Variants in STK32B observed in about 807,000 individuals in gnomAD.
The protein encoded by STK32B is serine/threonine-protein kinase 32B.
Under a neutral mutation model 52.6 loss-of-function variants are expected in STK32B, and 43 were observed. The ratio of observed to expected loss-of-function variants is 0.82; its 90% CI spans 0.64 to 1.05. The LOEUF (loss-of-function observed/expected upper bound fraction) is 1.05. Among genes scored for constraint, STK32B ranks in the 50% least tolerant of loss-of-function variants. STK32B has a pLI of 0.00. For synonymous variants in STK32B, 238 were observed against 204.3 expected, an observed-to-expected ratio of 1.17 and a Z score of -1.41; for missense variants, 621 against 534.6, an observed-to-expected ratio of 1.16 and a Z score of -1.59.
intron 3 of STK32B, among the ~76,000 whole-genome samples, chr4:5,195,518 T>A (rs758129327): frequency 7.9e-5 from 12 of 152,090 alleles, no homozygotes; most frequent in Non-Finnish European, 1.5e-4. Flanking sequence ...CATGGTGGAA[T>A]CCTTTCTGTA....
In STK32B at chr4:5,282,409, T is replaced by G. The variant is rs74423930; in HGVS notation, c.261-48811T>G. 9.7e-3 allele frequency among the ~76,000 whole-genome samples: 1,478 copies of G among 152,280 alleles called. 52 individuals carry two copies. In the East Asian group the frequency reaches 0.11, roughly 12 times the overall value. ...GAGGGCCTACTGTATATACCTATCA[T>G]GAAGTTTAATTTCTAAATTAGGCAC... On this transcript the variant is annotated intron_variant, in intron 3 of 11. Coordinates refer to ENST00000282908, the MANE Select transcript of STK32B (RefSeq NM_018401.3).
At chr4:5,253,732 A>G (rs1012348543) in intron 3 of STK32B, among the ~76,000 whole-genome samples, 4 of 152,120 alleles carry the variant, frequency 2.6e-5, no homozygotes, top group African/African-American at 9.7e-5. Flanking sequence ...CACAATGTAC[A>G]TAGAGTTAAC....
chr4:5,088,318 G>A (rs1365412083), intron 1 of STK32B, among the ~76,000 whole-genome samples: 1 of 152,154 alleles, frequency 6.6e-6, no homozygotes. Context: ...GACATAGAGA[G>A]TAGAAGGATG....
intron 4 of STK32B, among the ~76,000 whole-genome samples, chr4:5,387,843 C>G (rs1224443139): frequency 6.6e-6 from 1 of 152,186 alleles, no homozygotes; most frequent in Non-Finnish European, 1.5e-5. Context: ...CTCCTGGGTT[C>G]AAGTGATTCT....
intron 1 of STK32B, among the ~76,000 whole-genome samples, chr4:5,131,210 C>T (rs759220544): frequency 6.6e-6 from 1 of 152,220 alleles, no homozygotes; most frequent in Non-Finnish European, 1.5e-5. Context: ...TGTGCACAGG[C>T]TGCACCAGCA....
intron 3 of STK32B, among the ~76,000 whole-genome samples, chr4:5,186,883 T>C (rs1720786122): frequency 6.6e-6 from 1 of 152,214 alleles, no homozygotes; most frequent in Non-Finnish European, 1.5e-5. Context: ...GTTTTCTTTG[T>C]AAGTGACATG....
chr4:5,170,409 T>C (rs889716985), intron 3 of STK32B, among the ~76,000 whole-genome samples: 1 of 152,198 alleles, frequency 6.6e-6, no homozygotes, highest in Non-Finnish European at 1.5e-5. Context: ...GCTGCACCCA[T>C]TAACTCGTCA....
intron 3 of STK32B, among the ~76,000 whole-genome samples, chr4:5,173,358 T>C (rs1719554230): frequency 6.6e-6 from 1 of 152,068 alleles, no homozygotes; most frequent in South Asian, 2.1e-4. Context: ...TTTGAATGTG[T>C]TTGATCTTGC....
chr4:5,307,440 C>G (rs991489492), intron 3 of STK32B, among the ~76,000 whole-genome samples: 1 of 151,880 alleles, frequency 6.6e-6, no homozygotes, highest in Non-Finnish European at 1.5e-5. Flanking sequence ...CTGAGACTTT[C>G]CAGTGCATTT....
intron 3 of STK32B, among the ~76,000 whole-genome samples, chr4:5,219,088 T>G (rs565140745): frequency 1.3e-5 from 2 of 152,392 alleles, no homozygotes; most frequent in South Asian, 4.1e-4. Context: ...GTTGGCTCTG[T>G]GCCTTGTGAA....
intron 1 of STK32B, among the ~76,000 whole-genome samples, chr4:5,099,293 C>G (rs1438880714): frequency 6.6e-6 from 1 of 152,152 alleles, no homozygotes; most frequent in East Asian, 1.9e-4. Flanking sequence ...CATCTGCAAC[C>G]TAAGTCCCCT....
intron 4 of STK32B, among the ~76,000 whole-genome samples, chr4:5,335,205 G>A (rs956637794): frequency 2.6e-5 from 4 of 152,100 alleles, no homozygotes; most frequent in Non-Finnish European, 4.4e-5. Flanking sequence ...TTTAGTCTTG[G>A]GAGGGTGTAT....
At chr4:5,373,559 C>T (rs1735390038) in intron 4 of STK32B, among the ~76,000 whole-genome samples, 1 of 152,204 alleles carries the variant, frequency 6.6e-6, no homozygotes, top group African/African-American at 2.4e-5. Context: ...AGGCAACCTG[C>T]TTTACCCAGT....
intron 3 of STK32B, among the ~76,000 whole-genome samples, chr4:5,267,576 G>A (rs778100416): frequency 6.6e-6 from 1 of 152,080 alleles, no homozygotes; most frequent in African/African-American, 2.4e-5. Context: ...TAAGTGACTC[G>A]CCCAGGGTCG....
intron 3 of STK32B, among the ~76,000 whole-genome samples, chr4:5,276,145 C>G (rs1207484797): frequency 6.6e-6 from 1 of 152,034 alleles, no homozygotes; most frequent in Non-Finnish European, 1.5e-5. Flanking sequence ...AAAAATTAGT[C>G]AGGCGTGGTG....
intron 1 of STK32B, among the ~76,000 whole-genome samples, chr4:5,089,356 G>C (rs1413668703): frequency 6.6e-6 from 1 of 151,846 alleles, no homozygotes; most frequent in East Asian, 1.9e-4. Flanking sequence ...CCCACAACAG[G>C]CCCTGGTGTG....
At chr4:5,112,926 C>A (rs1714484573) in intron 1 of STK32B, among the ~76,000 whole-genome samples, 1 of 152,212 alleles carries the variant, frequency 6.6e-6, no homozygotes, top group East Asian at 1.9e-4. Flanking sequence ...TGACACTGTG[C>A]CAGACACTGG....
At chr4:5,273,923 A>G (rs1242825674) in intron 3 of STK32B, among the ~76,000 whole-genome samples, 1 of 151,532 alleles carries the variant, frequency 6.6e-6, no homozygotes, top group African/African-American at 2.4e-5. Flanking sequence ...GCGCACCAGC[A>G]TGACACATGT....
intron 6 of STK32B, among the ~76,000 whole-genome samples, chr4:5,433,123 G>C (rs566727311): frequency 1.3e-5 from 2 of 152,142 alleles, no homozygotes; most frequent in East Asian, 3.9e-4. Flanking sequence ...AGTGGTTGAG[G>C]GAGCAAAAAT....
Sources: gnomAD v4.1 joint callset for allele counts (sites outside exome capture counted in the v4.1 genomes callset) on GRCh38, gnomAD v4.1.1 for gene constraint, MANE v1.5 for transcripts, NCBI Gene and HGNC (gene_info 2026-07-23, HGNC 2026-07-21) for gene names.